DNAH6: variants seen among roughly 807,000 people sequenced by gnomAD.
DNAH6 encodes the protein dynein axonemal heavy chain 6.
DNAH6 carries 340 observed loss-of-function variants against 491.4 expected under a neutral mutation model. The observed-to-expected ratio is 0.69, with a 90% CI of 0.63 to 0.76. DNAH6 has a LOEUF of 0.76. Among genes scored for constraint, DNAH6 ranks in the 30% least tolerant of loss-of-function variants. The pLI, the probability that DNAH6 is intolerant of heterozygous loss-of-function variation, is 0.00. For missense variants in DNAH6, 4,443 were observed against 4,972.2 expected (o/e 0.89, Z 3.20); for synonymous variants, 1,603 against 1,686.1 (o/e 0.95, Z 1.21).
chr2:84,492,305 C>T, the DNAH6 span, among the ~76,000 whole-genome samples: 1 of 152,102 alleles, frequency 6.6e-6, no homozygotes, highest in African/African-American at 2.4e-5. Flanking sequence ...TTACTCATTC[C>T]AGAGAATAAA....
At chr2:84,712,576 T>G (rs1697146914) in intron 56 of DNAH6, among the ~76,000 whole-genome samples, 1 of 152,222 alleles carries the variant, frequency 6.6e-6, no homozygotes, top group Non-Finnish European at 1.5e-5. Flanking sequence ...ATGCAGTCTC[T>G]GTGCATATTC....
intron 4 of DNAH6, among the ~76,000 whole-genome samples, chr2:84,541,770 C>T (rs1678274761): frequency 1.3e-5 from 2 of 152,172 alleles, no homozygotes; most frequent in African/African-American, 4.8e-5. Context: ...CTTGCCTTGT[C>T]TTCACATTTT....
the DNAH6 span, among the ~76,000 whole-genome samples, chr2:84,474,431 A>G: frequency 3.3e-5 from 5 of 150,122 alleles, no homozygotes; most frequent in Admixed American, 3.3e-4. Context: ...AGGCTCAACA[A>G]TGGCTGCTTC....
chr2:84,525,764 T>G lies in DNAH6; in HGVS notation c.399+26T>G, dbSNP rs892999111. The G allele has an allele frequency of 2.7e-6, 4 of 1,485,644 alleles. No individual in the cohort carries two copies. The African/African-American group carries it at 5.7e-5, about 21-fold the overall frequency. The allele number at this position is 1,485,644 out of a possible 1,614,324, so 92.0% of individuals were successfully genotyped here. ...GTATAATATTAAAATACTTAATTGA[T>G]TCTTTTAACTTAATTTTGTTTTGTA... On this transcript the variant is annotated intron_variant, in intron 3 of 76. Transcript: ENST00000389394.
chr2:84,698,748 G>T lies in DNAH6; in HGVS notation c.7678-846G>T, dbSNP rs530103891. Among the ~76,000 whole-genome samples, 12 of 152,292 alleles carry T rather than the reference G, an allele frequency of 7.9e-5. No homozygotes were observed. The East Asian group carries it at 2.1e-3, about 27-fold the overall frequency. Reference sequence around the variant, plus strand: ...GAGATATGCACCTGTATGTTTCATTGCAGCACTATTCACAATAGCAAAGAC... The same window carrying T: ...GAGATATGCACCTGTATGTTTCATTTCAGCACTATTCACAATAGCAAAGAC... On this transcript the variant is annotated intron_variant, in intron 47 of 76. Transcript: ENST00000389394.
chr2:84,777,724 C>A (rs1676284918), intron 64 of DNAH6: 1 of 832,610 alleles, frequency 1.2e-6, no homozygotes, highest in Non-Finnish European at 2.1e-6. Flanking sequence ...CCAGCCCTTC[C>A]CCCATCAGGT....
Position 84,697,621 on chromosome 2 carries a change from C to T in DNAH6, c.7571C>T (p.Ser2524Leu). ...GAAGATATAAATAACATCCTGAACT[C>T]AGGTGAAGTGCCTAATTTATTTGAA... Reference protein sequence around the residue: ...FLEDINNILNSGEVPNLFEKD... With the variant: ...FLEDINNILNLGEVPNLFEKD... The change falls in exon 47 of 77, where the codon TCA (serine) becomes TTA (leucine). Residue 2524 changes from serine (S) to leucine (L), a missense_variant. This residue lies in a region of DNAH6 where 2,977 missense variants were observed against 3,296.6 expected (regional missense o/e 0.90). Transcript: ENST00000389394. 6.4e-7 allele frequency: 1 copy of T among 1,551,900 alleles called. No homozygotes were observed. Among genetic ancestry groups the T allele is most frequent in the East Asian group, 2.4e-5 (1 of 40,908 alleles).
rs1696613812 is a variant in DNAH6 at position 84,707,704 on chromosome 2, G to A, written c.9036G>A (p.Gln3012=). 6.4e-7 allele frequency: 1 copy of A among 1,551,926 alleles called. No individual in the cohort carries two copies. ...CVAYYGAFTA[Q]YRQSLIECWI... is the part of the protein sequence containing the mutation. ...CCTACTATGGGGCTTTCACAGCCCAGTACAGGCAGTCAGTGAGTAACCCTG... is the reference window on the plus strand; with the variant it reads ...CCTACTATGGGGCTTTCACAGCCCAATACAGGCAGTCAGTGAGTAACCCTG... The change falls in exon 54 of 77, where the codon CAG becomes CAA. Residue 3012 remains glutamine, a synonymous_variant. Coordinates refer to ENST00000389394, the MANE Select transcript of DNAH6 (RefSeq NM_001370.2).
chr2:84,695,121 A>G (rs1044951981), intron 46 of DNAH6, among the ~76,000 whole-genome samples: 7 of 152,154 alleles, frequency 4.6e-5, no homozygotes, highest in African/African-American at 1.7e-4. Context: ...ATGACATGCA[A>G]TGAGTTTATA....
chr2:84,486,164 C>G, the DNAH6 span, among the ~76,000 whole-genome samples: 1 of 152,190 alleles, frequency 6.6e-6, no homozygotes, highest in Non-Finnish European at 1.5e-5. Context: ...CTCAAACTCC[C>G]TTTCCTGCCT....
chr2:84,764,806 T>C (rs1674925928), intron 64 of DNAH6, among the ~76,000 whole-genome samples: 1 of 152,150 alleles, frequency 6.6e-6, no homozygotes, highest in African/African-American at 2.4e-5. Flanking sequence ...ATATATACAT[T>C]TCCTTTATCC....
At chr2:84,733,360 A>T in intron 61 of DNAH6, 84 bp from the exon 62 acceptor site, 1 of 1,203,774 alleles carries the variant, frequency 8.3e-7, no homozygotes, top group East Asian at 2.6e-5. Context: ...ATACTATTAG[A>T]GCTTGATTTT....
intron 26 of DNAH6, 50 bp downstream of exon 26, chr2:84,621,601 G>A: frequency 8.2e-7 from 1 of 1,223,566 alleles, no homozygotes; most frequent in Non-Finnish European, 1.1e-6. Context: ...TGGTCTTGGT[G>A]GGTTTTTTTT....
chr2:84,550,380 G>A (rs1023927969), intron 9 of DNAH6, among the ~76,000 whole-genome samples: 5 of 152,058 alleles, frequency 3.3e-5, no homozygotes, highest in East Asian at 1.9e-4. Flanking sequence ...ATCTAATGAC[G>A]CCACTGTTCT....
At position 84,624,481 on chromosome 2, in the gene DNAH6, C is replaced by A. The variant is rs561571505; in HGVS notation, c.4214C>A (p.Ser1405Tyr). 193 of 1,551,786 alleles carry A rather than the reference C, an allele frequency of 1.2e-4. No individual in the cohort carries two copies. Among genetic ancestry groups the A allele is most frequent in the Non-Finnish European group, 1.6e-4 (186 of 1,146,970 alleles). Residue 1405 changes from serine to tyrosine, a missense_variant, in exon 28 of 77, where the codon TCT becomes TAT. Physicochemically the swap from Ser to Tyr is moderately radical, Grantham distance 144. Transcript: ENST00000389394. ...CACATATAGGTGGAGACAGTTGAAT[C>A]TTTTGACTGGCAGAGACAACTGCGC... ...LVQSKVETVE[S>Y]FDWQRQLRYY...
chr2:84,659,787 G>C (rs1289307756), intron 37 of DNAH6, among the ~76,000 whole-genome samples: 3 of 152,098 alleles, frequency 2.0e-5, no homozygotes, highest in African/African-American at 7.2e-5. Context: ...TTTGAGACCA[G>C]CCTGTGCAAT....
chr2:84,525,455 A>T (rs997940045), intron 2 of DNAH6, 110 bp from the exon 3 acceptor site: 1 of 1,071,270 alleles, frequency 9.3e-7, no homozygotes, highest in Non-Finnish European at 1.3e-6. Flanking sequence ...ATAGGAAATT[A>T]GTCCAAGGAG....
chr2:84,463,555 G>GT, the DNAH6 span, among the ~76,000 whole-genome samples: 1 of 152,104 alleles, frequency 6.6e-6, no homozygotes, highest in East Asian at 1.9e-4. Flanking sequence ...CTTCCAGAGC[G>GT]TTTTTTGTGT....
chr2:84,543,834 T>C (rs1000971651), intron 4 of DNAH6, among the ~76,000 whole-genome samples: 1 of 152,200 alleles, frequency 6.6e-6, no homozygotes, highest in Non-Finnish European at 1.5e-5. Flanking sequence ...TCCTTTTATC[T>C]TTCTCATAAT....
Sources: allele counts gnomAD v4.1 joint callset (sites outside exome capture counted in the v4.1 genomes callset), GRCh38; gene constraint gnomAD v4.1.1; regional missense constraint gnomAD v4.1.1; transcripts MANE v1.5; gene names NCBI Gene and HGNC (gene_info 2026-07-23, HGNC 2026-07-21).